Variants in ABCA13 observed in about 807,000 individuals in gnomAD.
ABCA13 encodes the protein ATP binding cassette subfamily A member 13.
Under a neutral mutation model 478.7 loss-of-function variants are expected in ABCA13, and 476 were observed. That is an observed-to-expected ratio of 0.99 (90% CI 0.92 to 1.07). The LOEUF (loss-of-function observed/expected upper bound fraction) is 1.07, where lower values mean the gene tolerates loss of function less well. ABCA13 is among the 50% of genes least tolerant of loss of function. The pLI is 0.00. For synonymous variants in ABCA13, 2,252 were observed against 2,158.9 expected (o/e 1.04, Z -1.20); for missense variants, 6,060 against 5,910.6 (o/e 1.03, Z -0.83).
At chr7:48,420,231 A>G (rs1390402714) in intron 41 of ABCA13, among the ~76,000 whole-genome samples, 1 of 152,216 alleles carries the variant, frequency 6.6e-6, no homozygotes, top group Non-Finnish European at 1.5e-5. Flanking sequence ...CACTTACTAT[A>G]AATTATGATC....
At chr7:48,432,137 G>A (rs982561028) in intron 42 of ABCA13, among the ~76,000 whole-genome samples, 1 of 152,050 alleles carries the variant, frequency 6.6e-6, no homozygotes, top group South Asian at 2.1e-4. Flanking sequence ...AACAAGTAAT[G>A]CAGTTAAAAA....
intron 56 of ABCA13, among the ~76,000 whole-genome samples, chr7:48,586,087 G>T (rs1054092769): frequency 6.6e-6 from 1 of 152,156 alleles, no homozygotes; most frequent in African/African-American, 2.4e-5. Flanking sequence ...TATGGGCTGG[G>T]CCTTCTAGGA....
intron 27 of ABCA13, among the ~76,000 whole-genome samples, chr7:48,329,606 C>T (rs978747689): frequency 6.6e-6 from 1 of 150,518 alleles, no homozygotes; most frequent in African/African-American, 2.5e-5. Flanking sequence ...TCCACACATC[C>T]ATCCATCTGT....
At chr7:48,552,745 G>T (rs1186388346) in intron 55 of ABCA13, among the ~76,000 whole-genome samples, 1 of 151,532 alleles carries the variant, frequency 6.6e-6, no homozygotes, top group African/African-American at 2.4e-5. Context: ...GAGATACTTT[G>T]ATATAGGCGT....
At chr7:48,330,912 T>A (rs1333043350) in intron 27 of ABCA13, among the ~76,000 whole-genome samples, 1 of 152,118 alleles carries the variant, frequency 6.6e-6, no homozygotes, top group African/African-American at 2.4e-5. Context: ...TATCCGTGGG[T>A]TTTTCCCTTC....
At chr7:48,346,009 A>C (rs1808032623) in intron 29 of ABCA13, among the ~76,000 whole-genome samples, 1 of 152,228 alleles carries the variant, frequency 6.6e-6, no homozygotes, top group African/African-American at 2.4e-5. Context: ...TGCCTACAGC[A>C]TTCAGTACAA....
intron 3 of ABCA13, among the ~76,000 whole-genome samples, chr7:48,210,300 G>C (rs1785467469): frequency 6.6e-6 from 1 of 152,046 alleles, no homozygotes; most frequent in African/African-American, 2.4e-5. Flanking sequence ...GAAGAGCATG[G>C]GGGAACTGCC....
At chr7:48,628,835 CT>C (rs1284240123) in intron 59 of ABCA13, among the ~76,000 whole-genome samples, 1 of 152,140 alleles carries the variant, frequency 6.6e-6, no homozygotes, top group Non-Finnish European at 1.5e-5. Context: ...TACATGGCAG[CT>C]TTTTGCTTAA....
chr7:48,513,205 C>T (rs1214940893), intron 51 of ABCA13, among the ~76,000 whole-genome samples: 1 of 152,198 alleles, frequency 6.6e-6, no homozygotes, highest in Non-Finnish European at 1.5e-5. Flanking sequence ...AGGGCAAACT[C>T]AGGAAAGCTG....
chr7:48,298,558 G>A, intron 23 of ABCA13, 71 bp downstream of exon 23: 2 of 1,522,074 alleles, frequency 1.3e-6, no homozygotes, highest in South Asian at 2.7e-5. Flanking sequence ...CTGGCACTGT[G>A]TTGTCCTTTC....
rs1828940745 is a variant in ABCA13 at position 48,483,136 on chromosome 7, CAT to C, written c.13158_13159del (p.Ser4387LysfsTer11). 6.8e-6 allele frequency: 11 copies of C among 1,613,214 alleles called. No homozygotes were observed. The highest frequency in any genetic ancestry group is 9.3e-6 in the Non-Finnish European group (11 of 1,179,602). On this transcript the variant is annotated frameshift_variant, in exon 47 of 62. Coordinates refer to ENST00000435803, the MANE Select transcript of ABCA13 (RefSeq NM_152701.5). LOFTEE classifies it high-confidence loss of function. ...GTGAAGCTGGAGGTGCAAATGGAAACATATCAAAACCCCCAACTCTGGCAAAG... is the reference window on the plus strand; with the variant it reads ...GTGAAGCTGGAGGTGCAAATGGAAACATCAAAACCCCCAACTCTGGCAAAG... The part of the protein sequence containing the change: ...PSEAGGANGN[I>X]SKPPTLAKVW...
chr7:48,255,872 T>G lies in ABCA13; in HGVS notation c.2005+6521T>G, dbSNP rs554839037. ...AATGGTAATTCTGTTTTCAGTTCTT[T>G]AAGAAATTGCCACACTGTTTTCCAC... On this transcript the variant is annotated intron_variant, in intron 15 of 61. Transcript: ENST00000435803. 4.8e-4 allele frequency among the ~76,000 whole-genome samples: 73 copies of G among 152,310 alleles called. No individual in the cohort carries two copies. In the South Asian group the frequency reaches 0.012, roughly 26 times the overall value.
intron 59 of ABCA13, among the ~76,000 whole-genome samples, chr7:48,634,667 C>T (rs1794479099): frequency 6.6e-6 from 1 of 152,032 alleles, no homozygotes; most frequent in Middle Eastern, 3.4e-3. Context: ...TTCCTGTCTT[C>T]TTGCTTTAGG....
At position 48,376,180 on chromosome 7, in the gene ABCA13, A is replaced by G. The variant is rs183333225; in HGVS notation, c.11204-261A>G. Reference sequence around the variant, plus strand: ...ACTCAGGTAAATAAAACCAGATATGAGTAAGGTGACCTTTAAAACTTTTTA... The same window carrying G: ...ACTCAGGTAAATAAAACCAGATATGGGTAAGGTGACCTTTAAAACTTTTTA... On this transcript the variant is annotated intron_variant, in intron 34 of 61. Transcript: ENST00000435803. Among the ~76,000 whole-genome samples the G allele has an allele frequency of 9.6e-4, 146 of 152,320 alleles. 1 individual carries two copies. The highest frequency in any genetic ancestry group is 3.4e-3 in the African/African-American group (141 of 41,570).
intron 45 of ABCA13, among the ~76,000 whole-genome samples, chr7:48,474,254 A>G (rs1003397937): frequency 6.6e-6 from 1 of 152,128 alleles, no homozygotes; most frequent in Non-Finnish European, 1.5e-5. Flanking sequence ...AAACCCCCAA[A>G]GAGGTGCAGA....
chr7:48,513,303 G>A (rs754113447), intron 51 of ABCA13, among the ~76,000 whole-genome samples: 1 of 152,166 alleles, frequency 6.6e-6, no homozygotes, highest in Non-Finnish European at 1.5e-5. Context: ...TAGTATACAC[G>A]AATTGATTCT....
At chr7:48,388,672 C>A (rs1326465508) in intron 36 of ABCA13, among the ~76,000 whole-genome samples, 2 of 152,218 alleles carry the variant, frequency 1.3e-5, no homozygotes, top group Non-Finnish European at 2.9e-5. Context: ...ATGTGGAACA[C>A]ATCAACAAGC....
At chr7:48,267,333 A>G (rs538848974) in intron 15 of ABCA13, among the ~76,000 whole-genome samples, 3 of 152,092 alleles carry the variant, frequency 2.0e-5, no homozygotes, top group African/African-American at 4.8e-5. Context: ...TGTGTTGTGA[A>G]GCTCTGTTGT....
chr7:48,519,972 T>C (rs1299906312), intron 52 of ABCA13, 69 bp from the exon 53 acceptor site: 1 of 1,432,916 alleles, frequency 7.0e-7, no homozygotes, highest in African/African-American at 1.4e-5. Flanking sequence ...GAAAAAGAAG[T>C]TATTGGTATA....
Sources: gnomAD v4.1 joint callset for allele counts (sites outside exome capture counted in the v4.1 genomes callset) on GRCh38, gnomAD v4.1.1 for gene constraint, MANE v1.5 for transcripts, NCBI Gene and HGNC (gene_info 2026-07-23, HGNC 2026-07-21) for gene names.